Variants in CLUL1 observed in about 807,000 individuals in gnomAD.
CLUL1 encodes the protein clusterin-like protein 1.
CLUL1 carries 43 observed loss-of-function variants against 49.4 expected under a neutral mutation model. That is an observed-to-expected ratio of 0.87 (90% CI 0.68 to 1.12). The LOEUF (loss-of-function observed/expected upper bound fraction) is 1.12, where lower values mean the gene tolerates loss of function less well. Among genes scored for constraint, CLUL1 ranks in the 50% most tolerant of loss-of-function variants. The pLI, the probability that CLUL1 is intolerant of heterozygous loss-of-function variation, is 0.00. For synonymous variants in CLUL1, 192 were observed against 184.9 expected, an observed-to-expected ratio of 1.04 and a Z score of -0.31; for missense variants, 486 against 544.4, an observed-to-expected ratio of 0.89 and a Z score of 1.07.
intron 1 of CLUL1, among the ~76,000 whole-genome samples, chr18:602,416 A>G (rs540484718): frequency 6.6e-6 from 1 of 152,226 alleles, no homozygotes; most frequent in South Asian, 2.1e-4. Flanking sequence ...GATTGAGTTC[A>G]GCCAATGGGA....
chr18:600,578 G>A (rs1204756239), intron 1 of CLUL1, among the ~76,000 whole-genome samples: 1 of 152,202 alleles, frequency 6.6e-6, no homozygotes, highest in Non-Finnish European at 1.5e-5. Flanking sequence ...AGAAACCTGA[G>A]GAAATTTGTG....
chr18:645,711 G>T (rs1488988829), intron 9 of CLUL1, among the ~76,000 whole-genome samples: 5 of 145,654 alleles, frequency 3.4e-5, no homozygotes, highest in East Asian at 2.0e-4. Context: ...GGAGAATGGC[G>T]TGAACCCGGG....
chr18:632,356 A>G (rs60528779), intron 6 of CLUL1, among the ~76,000 whole-genome samples: 26,879 of 146,978 alleles, frequency 0.18, 2,361 homozygotes, highest in Non-Finnish European at 0.19. Flanking sequence ...GTGTGTGTGT[A>G]TATATACATA....
At chr18:639,497 G>T (rs1319152520) in intron 7 of CLUL1, among the ~76,000 whole-genome samples, 1 of 150,824 alleles carries the variant, frequency 6.6e-6, no homozygotes, top group Non-Finnish European at 1.5e-5. Flanking sequence ...TGGGTGCGGT[G>T]GCTCATGCCT....
chr18:646,746 T>C (rs1181994990), intron 9 of CLUL1, among the ~76,000 whole-genome samples: 1 of 151,478 alleles, frequency 6.6e-6, no homozygotes, highest in East Asian at 1.9e-4. Flanking sequence ...CTTTCCTTTT[T>C]TCTTTCTTTC....
chr18:618,338 A>G lies in CLUL1; in HGVS notation c.106+232A>G, dbSNP rs1387783868. On this transcript the variant is annotated intron_variant, in intron 3 of 9. Coordinates refer to ENST00000692774, the MANE Select transcript of CLUL1 (RefSeq NM_001393344.1). The surrounding 1 kb of genome is among the most constrained non-coding windows in gnomAD (Gnocchi z 4.2). ...CCAGATGTTTGTATCATGTAGATAC[A>G]ACTTGCCAGTTTTTTCACTGCATTT... Among the ~76,000 whole-genome samples the G allele has an allele frequency of 6.6e-6, 1 of 152,206 alleles. No individual in the cohort carries two copies. The highest frequency in any genetic ancestry group is 1.5e-5 in the Non-Finnish European group (1 of 68,038).
chr18:649,824 A>G, intron 9 of CLUL1, 74 bp from the exon 10 acceptor site: 1 of 1,039,790 alleles, frequency 9.6e-7, no homozygotes. Context: ...CTTTTACTCC[A>G]AGAAAAAATA....
intron 6 of CLUL1, among the ~76,000 whole-genome samples, chr18:630,856 T>C (rs1423725470): frequency 6.7e-6 from 1 of 148,952 alleles, no homozygotes; most frequent in Admixed American, 6.6e-5. Context: ...CCAGCTAATT[T>C]TTGCATTTTT....
At chr18:642,358 G>T (rs1310566404) in intron 8 of CLUL1, among the ~76,000 whole-genome samples, 1 of 152,152 alleles carries the variant, frequency 6.6e-6, no homozygotes, top group Non-Finnish European at 1.5e-5. Context: ...CTTGAACCCG[G>T]AAGGCAGAGG....
chr18:641,645 G>A, intron 8 of CLUL1, 104 bp downstream of exon 8: 1 of 957,332 alleles, frequency 1.0e-6, no homozygotes. Flanking sequence ...ACAAGCTGTA[G>A]GAGGTATTCA....
intron 9 of CLUL1, among the ~76,000 whole-genome samples, chr18:645,752 C>T (rs1443482986): frequency 3.1e-5 from 4 of 128,420 alleles, no homozygotes; most frequent in Non-Finnish European, 4.7e-5. Flanking sequence ...AGAGATCGCG[C>T]CACTGCACTC....
At chr18:646,726 C>G (rs1478702088) in intron 9 of CLUL1, among the ~76,000 whole-genome samples, 2 of 151,314 alleles carry the variant, frequency 1.3e-5, no homozygotes, top group Non-Finnish European at 2.9e-5. Context: ...CCACTCTGTC[C>G]TCTCCCTTTC....
chr18:648,999 T>A (rs1217990248), intron 9 of CLUL1, among the ~76,000 whole-genome samples: 3 of 152,180 alleles, frequency 2.0e-5, no homozygotes, highest in African/African-American at 7.2e-5. Flanking sequence ...ATGAAAATTT[T>A]TATCTTATTG....
rs73942581 is a variant in CLUL1, at chr18:617,772, G to A, written c.-13-216G>A. ...CACATGGCGGGCTTTTTTAACTGTC[G>A]TGAAGAGTTTAAACCAAATAGGGAC... On this transcript the variant is annotated intron_variant, in intron 2 of 9. Coordinates refer to ENST00000692774, the MANE Select transcript of CLUL1 (RefSeq NM_001393344.1). Among the ~76,000 whole-genome samples, 482 of 98,588 alleles carry A rather than the reference G, an allele frequency of 4.9e-3. 3 individuals are homozygous for A. Among genetic ancestry groups the A allele is most frequent in the African/African-American group, 0.012 (447 of 37,830 alleles). 64.7% of individuals were successfully genotyped at this position (98,588 alleles called of 152,430 possible). A position where few individuals can be genotyped will look rare whatever the true frequency, so the allele number is the denominator to read the frequency against.
At chr18:604,792 A>G (rs2072925211) in intron 1 of CLUL1, among the ~76,000 whole-genome samples, 1 of 152,186 alleles carries the variant, frequency 6.6e-6, no homozygotes, top group Admixed American at 6.5e-5. Flanking sequence ...CTCAGGAAAG[A>G]GTGGGGTCCT....
chr18:629,719 A>C (rs2144092617), intron 6 of CLUL1, among the ~76,000 whole-genome samples: 1 of 152,304 alleles, frequency 6.6e-6, no homozygotes, highest in South Asian at 2.1e-4. Context: ...TAGCAACCAA[A>C]AAAGTCTGTG....
chr18:615,309 A>C (rs1384653950), intron 2 of CLUL1, among the ~76,000 whole-genome samples: 1 of 152,234 alleles, frequency 6.6e-6, no homozygotes, highest in Admixed American at 6.5e-5. Flanking sequence ...ACTAGTTAGC[A>C]ATAAAGTTCT....
intron 7 of CLUL1, among the ~76,000 whole-genome samples, chr18:636,607 C>A (rs1409802110): frequency 2.7e-5 from 4 of 147,868 alleles, no homozygotes; most frequent in Non-Finnish European, 4.5e-5. Flanking sequence ...TTAGAGTCGA[C>A]AACACTCCCT....
intron 1 of CLUL1, chr18:597,950 C>T (rs9973159): frequency 0.1 from 15,453 of 152,246 alleles, 1,045 homozygotes; most frequent in Admixed American, 0.16. Context: ...ATTACTCTAG[C>T]TTAGCCTACT....
Sources: gnomAD v4.1 joint callset for allele counts (sites outside exome capture counted in the v4.1 genomes callset) on GRCh38, gnomAD v4.1.1 for gene constraint, Gnocchi (gnomAD v3.1) non-coding constraint, MANE v1.5 for transcripts, NCBI Gene and HGNC (gene_info 2026-07-23, HGNC 2026-07-21) for gene names.